NUTM2G: variants seen among roughly 807,000 people sequenced by gnomAD.
NUTM2G encodes the protein NUT family member 2G.
NUTM2G carries 29 observed loss-of-function variants against 44.3 expected under a neutral mutation model. The observed-to-expected ratio is 0.66, with a 90% CI of 0.49 to 0.89. The LOEUF (loss-of-function observed/expected upper bound fraction) is 0.89, where lower values mean the gene tolerates loss of function less well. NUTM2G is among the 40% of genes least tolerant of loss of function. The pLI is 0.00. For missense variants in NUTM2G, 502 were observed against 946.5 expected (o/e 0.53, Z 6.16); for synonymous variants, 205 against 395.9 (o/e 0.52, Z 5.72).
chr9:96,933,497 A>G (rs1423438232), intron 2 of NUTM2G: 1 of 151,100 alleles, frequency 6.6e-6, no homozygotes, highest in Admixed American at 6.6e-5. Flanking sequence ...CAGCCTCCCA[A>G]GTACCTGGGA....
At chr9:96,940,686 G>C (rs1826569812), downstream of NUTM2G, among the ~76,000 whole-genome samples, 1 of 152,150 alleles carries the variant, frequency 6.6e-6, no homozygotes, top group South Asian at 2.1e-4. Context: ...GGTGCTGGGA[G>C]TTGGCCCAGC....
downstream of NUTM2G, among the ~76,000 whole-genome samples, chr9:96,940,811 C>CA (rs1238921814): frequency 4.6e-5 from 7 of 152,276 alleles, no homozygotes; most frequent in African/African-American, 1.7e-4. Flanking sequence ...CAGAACACAG[C>CA]AGTCAGCCAG....
Position 96,939,385 on chromosome 9 carries a change from TA to T in NUTM2G, c.*239del. 1 of 179,472 alleles carries T rather than the reference TA, an allele frequency of 5.6e-6. No homozygotes were observed. The highest frequency in any genetic ancestry group is 3.6e-5 in the South Asian group (1 of 27,538). The allele number at this position is 179,472 out of a possible 1,614,324, so 11.1% of individuals were successfully genotyped here. Reference sequence around the variant, plus strand: ...AGCAGTGCCTTGGGGGCCTTGTGTGTAAATGTGAATAAATGTAGTTGTTTTG... The same window carrying T: ...AGCAGTGCCTTGGGGGCCTTGTGTGTAATGTGAATAAATGTAGTTGTTTTG... On this transcript the variant is annotated 3_prime_UTR_variant, in exon 7 of 7. Transcript: ENST00000372322.
At chr9:96,934,335 C>A (rs1409657653) in intron 2 of NUTM2G, among the ~76,000 whole-genome samples, 1 of 152,242 alleles carries the variant, frequency 6.6e-6, no homozygotes. Context: ...AGGGGAGTCC[C>A]CTGCCTGGGG....
In NUTM2G at chr9:96,935,480, G is replaced by A. The variant is rs373176242; in HGVS notation, c.842+24G>A. ...AAGTGAGTCTGGGGTCCTGGGGGCA[G>A]GGCCCGTGTGGCGGGGTGAGAGTGA... is the stretch of plus-strand genomic sequence containing the variant. On this transcript the variant is annotated intron_variant, in intron 3 of 6. Transcript: ENST00000372322. 4 of 1,611,890 alleles carry A rather than the reference G, an allele frequency of 2.5e-6. No homozygotes were observed. In the African/African-American group the frequency reaches 4.0e-5, roughly 16 times the overall value.
At chr9:96,937,819 C>T (rs1163190857) in intron 5 of NUTM2G, 66 bp from the exon 6 acceptor site, 18 of 1,596,388 alleles carry the variant, frequency 1.1e-5, no homozygotes, top group Middle Eastern at 2.3e-4. Flanking sequence ...GCATCTCCTC[C>T]GGGTGTCCTT....
chr9:96,931,278 C>T lies in NUTM2G; in HGVS notation c.17-444C>T, dbSNP rs1815358. On this transcript the variant is annotated intron_variant, in intron 1 of 6. Coordinates refer to ENST00000372322, the MANE Select transcript of NUTM2G (RefSeq NM_001170741.3). The stretch of plus-strand genomic sequence containing the variant: ...AAGGAAGACTGAAGAGGAGATGGGG[C>T]CATAATATTCGGAAACTTCTGGTTT... Among the ~76,000 whole-genome samples, 2,917 of 150,908 alleles carry T rather than the reference C, an allele frequency of 0.019. 149 individuals carry two copies. In the East Asian group the frequency reaches 0.22, roughly 12 times the overall value.
chr9:96,932,530 G>T (rs1290425445), intron 2 of NUTM2G, 112 bp downstream of exon 2: 2 of 1,290,876 alleles, frequency 1.5e-6, no homozygotes, highest in Non-Finnish European at 1.1e-6. Context: ...TTGTGAGGGT[G>T]ATGGGTTGTG....
chr9:96,936,487 C>T lies in NUTM2G; in HGVS notation c.905C>T (p.Pro302Leu), dbSNP rs763389876. ...QIQKSQWMKG[P>L]QSLPPPAPPR... ...CAGAAATCGCAGTGGATGAAGGGGC[C>T]CCAGAGCCTGCCTCCTCCAGCCCCG... Residue 302 changes from proline to leucine, a missense_variant, in exon 4 of 7, where the codon CCC becomes CTC. Physicochemically the swap from Pro to Leu is moderately conservative, Grantham distance 98. Coordinates refer to ENST00000372322, the MANE Select transcript of NUTM2G (RefSeq NM_001170741.3). The T allele has an allele frequency of 1.0e-5, 16 of 1,557,682 alleles. No homozygotes were observed. The highest frequency in any genetic ancestry group is 1.4e-5 in the African/African-American group (1 of 73,912).
intron 2 of NUTM2G, among the ~76,000 whole-genome samples, chr9:96,933,367 G>C (rs1228303178): frequency 6.7e-6 from 1 of 150,190 alleles, no homozygotes; most frequent in Non-Finnish European, 1.5e-5. Context: ...TTTGGGTTTA[G>C]GTCTTTTTTG....
intron 1 of NUTM2G, among the ~76,000 whole-genome samples, chr9:96,931,030 G>A (rs914696445): frequency 1.1e-4 from 16 of 151,830 alleles, no homozygotes; most frequent in Admixed American, 2.6e-4. Flanking sequence ...GAGTAGCTGC[G>A]ATTACAGGCA....
intron 2 of NUTM2G, among the ~76,000 whole-genome samples, chr9:96,933,134 T>C (rs901783980): frequency 1.3e-5 from 2 of 151,608 alleles, no homozygotes; most frequent in East Asian, 2.0e-4. Context: ...CCCGCCACCA[T>C]GCCCGGCTAA....
rs1270761168 is a variant in NUTM2G, at chr9:96,937,208, C to T, written c.1127C>T (p.Pro376Leu). 1 of 1,612,968 alleles carries T rather than the reference C, an allele frequency of 6.2e-7. No homozygotes were observed. Among genetic ancestry groups the T allele is most frequent in the Non-Finnish European group, 8.5e-7 (1 of 1,179,874 alleles). ...PAETKVPEEI[P>L]PEVVQEYVDI... ...GAGACCAAGGTCCCTGAGGAGATCC[C>T]CCCTGAAGTGGTGCAGGAGTATGTG... The change falls in exon 5 of 7, where the codon CCC becomes CTC. Residue 376 changes from proline (P) to leucine (L), a missense_variant. Physicochemically the swap from Pro to Leu is moderately conservative, Grantham distance 98 (BLOSUM62 -3). Transcript: ENST00000372322.
rs1588204491 is a variant in NUTM2G at position 96,936,309 on chromosome 9, G to A, written c.843-116G>A. ...GGACTGGGGGATGGGTCCCAGTGAG[G>A]GCCTAGACAGCCCGCCGGAGGCACT... On this transcript the variant is annotated intron_variant, in intron 3 of 6. Transcript: ENST00000372322. 8.5e-6 allele frequency: 13 copies of A among 1,527,110 alleles called. 1 individual carries two copies. In the African/African-American group the frequency reaches 1.2e-4, roughly 14 times the overall value. The allele number at this position is 1,527,110 out of a possible 1,614,324, so 94.6% of individuals were successfully genotyped here. A position where few individuals can be genotyped will look rare whatever the true frequency, so the allele number is the denominator to read the frequency against.
Position 96,935,402 on chromosome 9 carries a change from A to C in NUTM2G, c.788A>C (p.Glu263Ala), listed in dbSNP as rs1588203526. ...GAGGGACTGTGGCGGGCCATGCGGGAATGGCAGCACACGAGCAACTTTGAC... is the reference window on the plus strand; with the variant it reads ...GAGGGACTGTGGCGGGCCATGCGGGCATGGCAGCACACGAGCAACTTTGAC... ...LEEGLWRAMR[E>A]WQHTSNFDRM... is the part of the protein sequence containing the mutation. The change falls in exon 3 of 7, where the codon GAA (glutamate) becomes GCA (alanine). Residue 263 changes from glutamate (E) to alanine (A), a missense_variant. Transcript: ENST00000372322. 1.9e-6 allele frequency: 3 copies of C among 1,611,958 alleles called. No homozygotes were observed. In the South Asian group the frequency reaches 3.3e-5, roughly 18 times the overall value.
Position 96,930,883 on chromosome 9 carries a change from T to G in NUTM2G, c.17-839T>G, listed in dbSNP as rs1325997585. Reference sequence around the variant, plus strand: ...GTTTCCATCCAGTGGTTTTTTTTTTTTTTTTTTTTTTTTTTTTTTTTTTTT... The same window carrying G: ...GTTTCCATCCAGTGGTTTTTTTTTTGTTTTTTTTTTTTTTTTTTTTTTTTT... On this transcript the variant is annotated intron_variant, in intron 1 of 6. Transcript: ENST00000372322. Among the ~76,000 whole-genome samples the G allele has an allele frequency of 3.7e-3, 250 of 66,802 alleles. 1 individual carries two copies. The highest frequency in any genetic ancestry group is 5.7e-3 in the Middle Eastern group (1 of 174). 43.8% of individuals were successfully genotyped at this position (66,802 alleles called of 152,430 possible). A position where few individuals can be genotyped will look rare whatever the true frequency, so the allele number is the denominator to read the frequency against.
At chr9:96,930,544 AAAAG>A (rs1331804379) in intron 1 of NUTM2G, among the ~76,000 whole-genome samples, 1 of 148,044 alleles carries the variant, frequency 6.8e-6, no homozygotes, top group Non-Finnish European at 1.5e-5. Context: ...AAAAAGAAAA[AAAAG>A]AAAATCCCTA....
intron 5 of NUTM2G, 122 bp from the exon 6 acceptor site, chr9:96,937,763 A>G (rs1826487549): frequency 3.2e-6 from 4 of 1,240,366 alleles, no homozygotes; most frequent in Non-Finnish European, 4.6e-6. Context: ...TCGCCATGAT[A>G]TGAAACAGCC....
intron 1 of NUTM2G, among the ~76,000 whole-genome samples, chr9:96,930,984 T>C (rs1291242665): frequency 1.1e-4 from 15 of 140,164 alleles, no homozygotes; most frequent in African/African-American, 3.9e-4. Flanking sequence ...AGCCTCTGCC[T>C]CCTCGGTTCA....
Sources: allele counts gnomAD v4.1 joint callset (sites outside exome capture counted in the v4.1 genomes callset), GRCh38; gene constraint gnomAD v4.1.1; transcripts MANE v1.5; gene names NCBI Gene and HGNC (gene_info 2026-07-23, HGNC 2026-07-21).